The following PAH variants were observed in gnomAD, a reference collection of about 807,000 sequenced individuals.
PAH encodes the protein phenylalanine-4-hydroxylase.
A neutral mutation model predicts 62.0 loss-of-function variants in PAH; 64 were observed. The observed-to-expected ratio is 1.03, with a 90% confidence interval of 0.84 to 1.27. The LOEUF (loss-of-function observed/expected upper bound fraction) is 1.27, where lower values mean the gene tolerates loss of function less well. Ranked by LOEUF, PAH falls within the 50% of genes most tolerant of loss-of-function variation. The pLI is 0.00. For synonymous variants in PAH, 195 were observed against 196.2 expected (o/e 0.99, Z 0.05); for missense variants, 579 against 542.8 (o/e 1.07, Z -0.66).
At chr12:102,839,275 A>C (rs1446826301) in intron 12 of PAH, 57 bp from the exon 13 acceptor site, 1 of 1,550,616 alleles carries the variant, frequency 6.4e-7, no homozygotes, top group Non-Finnish European at 8.9e-7. Flanking sequence ...AAAACTCTTC[A>C]AGTGTCCTCA....
chr12:102,843,551 C>T (rs1874677498), intron 11 of PAH, 95 bp downstream of exon 11: 1 of 1,207,614 alleles, frequency 8.3e-7, no homozygotes, highest in Non-Finnish European at 1.2e-6. Flanking sequence ...TTGCTGTAGA[C>T]ATTGGAGTCC....
rs865899394 is a variant in PAH, at chr12:102,855,255, G to A, written c.587C>T (p.Ser196Phe). The A allele has an allele frequency of 1.2e-6, 2 of 1,614,072 alleles. No individual in the cohort carries two copies. Among genetic ancestry groups the A allele is most frequent in the Non-Finnish European group, 1.7e-6 (2 of 1,179,962 alleles). Residue 196 changes from serine (S) to phenylalanine (F), a missense_variant, in exon 6 of 13, where the codon TCC becomes TTC. By Grantham distance (155) the Ser-to-Phe change is radical. Transcript: ENST00000553106. ...ATAGCAAGCATGGGTTTTATACAAG[G>A]ACTTCAGAGTCTTGAACACTGTGCC... ...TWGTVFKTLK[S>F]LYKTHACYEY... is the part of the protein sequence containing the mutation.
At chr12:102,932,888 A>T (rs1050283274) in intron 1 of PAH, among the ~76,000 whole-genome samples, 3 of 152,196 alleles carry the variant, frequency 2.0e-5, no homozygotes, top group African/African-American at 7.2e-5. Context: ...CAAGCATGCA[A>T]TGCTTAATGG....
chr12:102,913,787 G>C, intron 1 of PAH: 1 of 701,374 alleles, frequency 1.4e-6, no homozygotes, highest in Non-Finnish European at 2.6e-6. Flanking sequence ...AGAATGTCCA[G>C]GATCTAGCAC....
intron 3 of PAH, among the ~76,000 whole-genome samples, chr12:102,882,975 G>A (rs373463434): frequency 1.8e-3 from 271 of 152,170 alleles, no homozygotes; most frequent in African/African-American, 6.3e-3. Flanking sequence ...AGGAGGAGGA[G>A]GAGGAAGAAG....
At chr12:102,865,381 T>A (rs1342680262) in intron 5 of PAH, among the ~76,000 whole-genome samples, 4 of 152,206 alleles carry the variant, frequency 2.6e-5, no homozygotes, top group African/African-American at 9.7e-5. Flanking sequence ...ACATACTAGC[T>A]ACATGATGTT....
At chr12:102,860,642 A>C (rs1236337892) in intron 5 of PAH, among the ~76,000 whole-genome samples, 1 of 152,214 alleles carries the variant, frequency 6.6e-6, no homozygotes. Flanking sequence ...AGAGGTATAC[A>C]CCAATGGAAC....
chr12:102,895,524 T>C (rs1344131353), intron 2 of PAH, among the ~76,000 whole-genome samples: 1 of 152,116 alleles, frequency 6.6e-6, no homozygotes, highest in Non-Finnish European at 1.5e-5. Flanking sequence ...AAATGCTCAG[T>C]AAAAATTATC....
chr12:102,851,059 A>G (rs551491075), intron 8 of PAH, among the ~76,000 whole-genome samples: 84 of 150,496 alleles, frequency 5.6e-4, no homozygotes, highest in African/African-American at 2.0e-3. Context: ...ACTCCAGTCC[A>G]GCCTGGGTGA....
chr12:102,852,002 A>C, intron 7 of PAH: 1 of 511,334 alleles, frequency 2.0e-6, no homozygotes, highest in Non-Finnish European at 3.5e-6. Context: ...AAGGGTCTTA[A>C]GAGTATCCCC....
upstream of PAH, chr12:102,917,256 T>C: frequency 4.9e-6 from 4 of 820,866 alleles, no homozygotes; most frequent in South Asian, 5.7e-5. Context: ...ACAAAGGGTG[T>C]CTCTTGCGTG....
chr12:102,840,429 T>G lies in PAH; in HGVS notation c.1286A>C (p.Gln429Pro), dbSNP rs794727047. Residue 429 changes from glutamine to proline, a missense_variant, in exon 12 of 13, where the codon CAG (glutamine) becomes CCG (proline). By Grantham distance (76) the Gln-to-Pro change is moderately conservative. Transcript: ENST00000553106. The part of the protein sequence containing the change: ...QRIEVLDNTQ[Q>P]LKILADSINS... ...AATGGAATCAGCCAAAATCTTAAGC[T>G]GCTGGGTATTGTCCAAGACCTCAAT... is the stretch of plus-strand genomic sequence containing the variant. 6.2e-7 allele frequency: 1 copy of G among 1,613,880 alleles called. No individual in the cohort carries two copies. The highest frequency in any genetic ancestry group is 1.7e-5 in the Admixed American group (1 of 60,012).
rs1029366421 is a variant in PAH at position 102,845,643 on chromosome 12, G to A, written c.970-1212C>T. On this transcript the variant is annotated intron_variant, in intron 9 of 12. Coordinates refer to ENST00000553106, the MANE Select transcript of PAH (RefSeq NM_000277.3). ...TGCTGGAGACAGTCACAGTTTTGGAGAATTAGGGGTAGGTTATTAGTTACA... is the reference window on the plus strand; with the variant it reads ...TGCTGGAGACAGTCACAGTTTTGGAAAATTAGGGGTAGGTTATTAGTTACA... Among the ~76,000 whole-genome samples, 31 of 152,270 alleles carry A rather than the reference G, an allele frequency of 2.0e-4. 1 individual carries two copies. Among genetic ancestry groups the A allele is most frequent in the African/African-American group, 7.5e-4 (31 of 41,562 alleles).
At chr12:102,877,925 A>C (rs1019748692) in intron 3 of PAH, among the ~76,000 whole-genome samples, 3 of 152,102 alleles carry the variant, frequency 2.0e-5, no homozygotes, top group Admixed American at 6.6e-5. Context: ...TCCTGGGTTC[A>C]AGTGACTCTC....
At chr12:102,857,582 A>G (rs377604094) in intron 5 of PAH, among the ~76,000 whole-genome samples, 9 of 152,234 alleles carry the variant, frequency 5.9e-5, no homozygotes, top group Admixed American at 1.3e-4. Flanking sequence ...GAGAAAGGTC[A>G]GGTTACCCAC....
chr12:102,935,024 C>A (rs1311871152), intron 1 of PAH, among the ~76,000 whole-genome samples: 2 of 152,088 alleles, frequency 1.3e-5, no homozygotes, highest in South Asian at 2.1e-4. Context: ...ATGACCCTAG[C>A]TGTGGGTCTG....
At chr12:102,956,835 C>T (rs1296936363) in intron 1 of PAH, among the ~76,000 whole-genome samples, 1 of 151,710 alleles carries the variant, frequency 6.6e-6, no homozygotes, top group Non-Finnish European at 1.5e-5. Context: ...GGTGTCGCTT[C>T]CCCGCGGCCC....
chr12:102,845,150 C>T (rs1874780027), intron 9 of PAH, among the ~76,000 whole-genome samples: 1 of 152,222 alleles, frequency 6.6e-6, no homozygotes, highest in Non-Finnish European at 1.5e-5. Context: ...TCTGAATCAG[C>T]ATGACCTGTG....
At chr12:102,846,838 C>T (rs1010571410) in intron 9 of PAH, 57 bp downstream of exon 9, 12 of 1,452,556 alleles carry the variant, frequency 8.3e-6, no homozygotes, top group South Asian at 3.4e-5. Flanking sequence ...GTTTCAAAGA[C>T]CTGAGGGCCA....
Sources: gnomAD v4.1 joint callset for allele counts (sites outside exome capture counted in the v4.1 genomes callset) on GRCh38, gnomAD v4.1.1 for gene constraint, MANE v1.5 for transcripts, NCBI Gene and HGNC (gene_info 2026-07-23, HGNC 2026-07-21) for gene names.